Variants in KIAA1191 observed in about 807,000 individuals in gnomAD.
KIAA1191 encodes putative monooxygenase p33MONOX.
Under a neutral mutation model 31.1 loss-of-function variants are expected in KIAA1191, and 22 were observed. The observed-to-expected ratio is 0.71, with a 90% CI of 0.51 to 1.01. The LOEUF (loss-of-function observed/expected upper bound fraction) is 1.01. Among genes scored for constraint, KIAA1191 ranks in the 50% least tolerant of loss-of-function variants. The probability of loss-of-function intolerance (pLI) is 0.00; values close to 1 mark genes in which losing one functional copy is unlikely to be tolerated. For missense variants in KIAA1191, 319 were observed against 388.0 expected, an observed-to-expected ratio of 0.82 and a Z score of 1.49; for synonymous variants, 130 against 143.9, an observed-to-expected ratio of 0.90 and a Z score of 0.69.
At position 176,350,719 on chromosome 5, in the gene KIAA1191, AT is replaced by A; in HGVS notation, c.352del (p.Ile118PhefsTer10). 6.2e-7 allele frequency: 1 copy of A among 1,614,090 alleles called. No homozygotes were observed. The highest frequency in any genetic ancestry group is 8.5e-7 in the Non-Finnish European group (1 of 1,180,012). On this transcript the variant is annotated frameshift_variant, in exon 6 of 9. Transcript: ENST00000298569. LOFTEE classifies it high-confidence loss of function. The stretch of plus-strand genomic sequence containing the variant: ...CCCTGCCTGTCGCTCAAAATGCTGA[AT>A]GCTTTCCTGGGTCTGTTCTGGGAAC... ...SLITKQTQES[I>X]QHFERQAGLR... is the part of the protein sequence containing the mutation.
At chr5:176,350,070 T>C (rs552452487) in intron 6 of KIAA1191, among the ~76,000 whole-genome samples, 16 of 152,232 alleles carry the variant, frequency 1.1e-4, no homozygotes, top group African/African-American at 3.6e-4. Flanking sequence ...ATTTACAAAA[T>C]ATGGAGAAGA....
rs1766540174 is a variant in KIAA1191 at position 176,346,750 on chromosome 5, C to CA, written c.*849dup. ...AGGTCTGCCAAAAAGCAGGGGGACT[C>CA]AAGGTTCAGCCTAGAAAGAGGGGTC... is the stretch of plus-strand genomic sequence containing the variant. On this transcript the variant is annotated 3_prime_UTR_variant, in exon 9 of 9. Coordinates refer to ENST00000298569, the MANE Select transcript of KIAA1191 (RefSeq NM_020444.5). 1 of 152,230 alleles carries CA rather than the reference C, an allele frequency of 6.6e-6. No individual in the cohort carries two copies. The highest frequency in any genetic ancestry group is 6.5e-5 in the Admixed American group (1 of 15,280). The allele number at this position is 152,230 out of a possible 1,614,324, so 9.4% of individuals were successfully genotyped here. A position where few individuals can be genotyped will look rare whatever the true frequency, so the allele number is the denominator to read the frequency against.
chr5:176,347,943 T>C lies in KIAA1191; in HGVS notation c.687A>G (p.Arg229=), dbSNP rs758104007. 5.6e-6 allele frequency: 9 copies of C among 1,613,984 alleles called. No individual in the cohort carries two copies. The highest frequency in any genetic ancestry group is 7.6e-6 in the Non-Finnish European group (9 of 1,180,042). The change falls in exon 8 of 9, where the codon AGA becomes AGG. Residue 229 remains arginine, a synonymous_variant. Coordinates refer to ENST00000298569, the MANE Select transcript of KIAA1191 (RefSeq NM_020444.5). ...TACCAGAATCGTACTTCTGAAGGGATCTCGGTCCAAAGAGGCTCCACTTAT... is the reference window on the plus strand; with the variant it reads ...TACCAGAATCGTACTTCTGAAGGGACCTCGGTCCAAAGAGGCTCCACTTAT... The part of the protein sequence containing the change: ...LSDKWSLFGP[R]SLQKYDSGSF...
chr5:176,351,292 G>C (rs1454436363), intron 5 of KIAA1191, among the ~76,000 whole-genome samples: 1 of 150,546 alleles, frequency 6.6e-6, no homozygotes, highest in African/African-American at 2.5e-5. Flanking sequence ...AGTGAGTCGA[G>C]ATCGTGCCAC....
chr5:176,351,315 T>C (rs1766982895), intron 5 of KIAA1191, among the ~76,000 whole-genome samples: 1 of 149,422 alleles, frequency 6.7e-6, no homozygotes, highest in Non-Finnish European at 1.5e-5. Flanking sequence ...CACTCCAGCC[T>C]GGGCGACAGA....
Position 176,346,297 on chromosome 5 carries a change from C to T in KIAA1191, c.*1303G>A, listed in dbSNP as rs11843. On this transcript the variant is annotated 3_prime_UTR_variant, in exon 9 of 9. Coordinates refer to ENST00000298569, the MANE Select transcript of KIAA1191 (RefSeq NM_020444.5). ...AAAGGTGGCTTCTGTATTTCCCTCC[C>T]TCAGTAAGGTTATGTGTTGCATAAA... 3.3e-4 allele frequency: 50 copies of T among 152,198 alleles called. 1 individual carries two copies. Among genetic ancestry groups the T allele is most frequent in the African/African-American group, 1.2e-3 (50 of 41,452 alleles). 9.4% of individuals were successfully genotyped at this position (152,198 alleles called of 1,614,324 possible).
chr5:176,348,441 G>C, intron 6 of KIAA1191, 85 bp from the exon 7 acceptor site: 1 of 957,052 alleles, frequency 1.0e-6, no homozygotes, highest in Non-Finnish European at 1.6e-6. Flanking sequence ...AATTTGGTTC[G>C]CATTCTAACT....
At chr5:176,357,807 A>G (rs1335628777) in intron 3 of KIAA1191, among the ~76,000 whole-genome samples, 1 of 152,190 alleles carries the variant, frequency 6.6e-6, no homozygotes, top group African/African-American at 2.4e-5. Context: ...AGACTTGGGG[A>G]GCAATTTCAA....
At position 176,355,718 on chromosome 5, in the gene KIAA1191, C is replaced by G; in HGVS notation, c.60G>C (p.Met20Ile). Residue 20 changes from methionine (M) to isoleucine (I), a missense_variant, in exon 4 of 9, where the codon ATG becomes ATC. Physicochemically the swap from Met to Ile is conservative, Grantham distance 10. Coordinates refer to ENST00000298569, the MANE Select transcript of KIAA1191 (RefSeq NM_020444.5). This position sits in a 1 kb window ranked among gnomAD's most constrained non-coding sequence, Gnocchi z 4.2. ...ALEASAPLGK[M>I]SLPIGIYRRA... is the part of the protein sequence containing the mutation. ...GGCGGTATATCCCGATGGGCAGGGACATCTTGCCTAGAGGCGCACTAGCCT... is the reference window on the plus strand; with the variant it reads ...GGCGGTATATCCCGATGGGCAGGGAGATCTTGCCTAGAGGCGCACTAGCCT... The G allele has an allele frequency of 1.9e-6, 3 of 1,613,998 alleles. No individual in the cohort carries two copies. Among genetic ancestry groups the G allele is most frequent in the Non-Finnish European group, 2.5e-6 (3 of 1,180,032 alleles).
chr5:176,356,129 T>C (rs1180009443), intron 3 of KIAA1191: 2 of 225,774 alleles, frequency 8.9e-6, no homozygotes, highest in African/African-American at 4.7e-5. Context: ...CATGTCCAGC[T>C]AATTTTCATG....
chr5:176,352,899 G>C (rs1767157325), intron 4 of KIAA1191, 151 bp from the exon 5 acceptor site: 2 of 754,402 alleles, frequency 2.7e-6, no homozygotes, highest in African/African-American at 3.5e-5. Flanking sequence ...TCTCCACCCA[G>C]CTAGATAGGT....
rs370175568 is a variant in KIAA1191, at chr5:176,355,754, G to A, written c.29-5C>T. ...GAGGCGCACTAGCCTCAAGAGCTAA[G>A]AACAGAGACACCTGTCAAGACAGGT... On this transcript the variant is annotated splice_polypyrimidine_tract_variant and splice_region_variant and intron_variant, in intron 3 of 8. Coordinates refer to ENST00000298569, the MANE Select transcript of KIAA1191 (RefSeq NM_020444.5). The surrounding 1 kb of genome is among the most constrained non-coding windows in gnomAD (Gnocchi z 4.2). 1.2e-4 allele frequency: 199 copies of A among 1,613,854 alleles called. No individual in the cohort carries two copies. Among genetic ancestry groups the A allele is most frequent in the Admixed American group, 5.0e-4 (30 of 60,014 alleles).
rs773683998 is a variant in KIAA1191, at chr5:176,348,061, C to T, written c.569G>A (p.Gly190Asp). Reference protein sequence around the residue: ...PHSSPKQRPRGWFTSGSSTAL... With the variant: ...PHSSPKQRPRDWFTSGSSTAL... Reference sequence around the variant, plus strand: ...TGTGGAAGAACCAGAAGTGAACCAGCCCCTGGGAAAGAAAGAACAAAACAT... The same window carrying T: ...TGTGGAAGAACCAGAAGTGAACCAGTCCCTGGGAAAGAAAGAACAAAACAT... Residue 190 changes from glycine (G) to aspartate (D), a missense_variant and splice_region_variant, in exon 8 of 9, where the codon GGC (glycine) becomes GAC (aspartate). Gly to Asp is a moderately conservative substitution (Grantham distance 94). Coordinates refer to ENST00000298569, the MANE Select transcript of KIAA1191 (RefSeq NM_020444.5). 3 of 1,613,290 alleles carry T rather than the reference C, an allele frequency of 1.9e-6. No homozygotes were observed. The highest frequency in any genetic ancestry group is 2.5e-6 in the Non-Finnish European group (3 of 1,179,738).
chr5:176,354,887 C>T (rs1047655429), intron 4 of KIAA1191, among the ~76,000 whole-genome samples: 3 of 151,868 alleles, frequency 2.0e-5, no homozygotes, highest in East Asian at 1.9e-4. Context: ...ATCAGGAGGA[C>T]GGAGATGTCA....
At position 176,359,904 on chromosome 5, in the gene KIAA1191, G is replaced by A. The variant is rs925042164; in HGVS notation, c.-153C>T. ...AAAGTAGCAAAGCTTCCCAGGAAGA[G>A]TCCATCCAGAGGTTCTAATAACAAC... On this transcript the variant is annotated 5_prime_UTR_variant, in exon 2 of 9. Coordinates refer to ENST00000298569, the MANE Select transcript of KIAA1191 (RefSeq NM_020444.5). 2 of 189,714 alleles carry A rather than the reference G, an allele frequency of 1.1e-5. No homozygotes were observed. The highest frequency in any genetic ancestry group is 4.6e-5 in the African/African-American group (2 of 43,518). 11.8% of individuals were successfully genotyped at this position (189,714 alleles called of 1,614,324 possible). A position where few individuals can be genotyped will look rare whatever the true frequency, so the allele number is the denominator to read the frequency against.
intron 5 of KIAA1191, among the ~76,000 whole-genome samples, chr5:176,351,197 T>C (rs2003207): frequency 0.75 from 112,885 of 151,382 alleles, 42,195 homozygotes; most frequent in Middle Eastern, 0.85. Flanking sequence ...AAAAATTAGC[T>C]GGGTGTGGTG....
At position 176,360,327 on chromosome 5, in the gene KIAA1191, T is replaced by G. The variant is rs542622277; in HGVS notation, c.-167-409A>C. 1.7e-4 allele frequency among the ~76,000 whole-genome samples: 26 copies of G among 151,982 alleles called. No individual in the cohort carries two copies. In the South Asian group the frequency reaches 4.2e-3, roughly 24 times the overall value. On this transcript the variant is annotated intron_variant, in intron 1 of 8. Transcript: ENST00000298569. Reference sequence around the variant, plus strand: ...GTCTGCCACCACGCCTGGCTAATTTTTTGTATTTTTAGTAGAGATGGGGTT... The same window carrying G: ...GTCTGCCACCACGCCTGGCTAATTTGTTGTATTTTTAGTAGAGATGGGGTT...
Position 176,347,665 on chromosome 5 carries a change from G to A in KIAA1191, c.853C>T (p.Gln285Ter). 6.3e-7 allele frequency: 1 copy of A among 1,577,360 alleles called. No homozygotes were observed. The highest frequency in any genetic ancestry group is 8.6e-7 in the Non-Finnish European group (1 of 1,165,138). ...MDIPVMEGKK[Q>*]PPRAHNLKPR... ...TTGAGGTTATGGGCCCGTGGTGGCT[G>A]TTTCTTTCCTTCCATCACTGGGATG... is the stretch of plus-strand genomic sequence containing the variant. Residue 285 changes from glutamine (Q) to a stop codon, truncating the protein, a stop_gained, in exon 9 of 9, where the codon CAG becomes TAG. Transcript: ENST00000298569. LOFTEE classifies it high-confidence loss of function.
chr5:176,352,127 T>C (rs1395844719), intron 5 of KIAA1191, among the ~76,000 whole-genome samples: 2 of 151,260 alleles, frequency 1.3e-5, no homozygotes, highest in African/African-American at 2.4e-5. Flanking sequence ...CCTGGTCCTC[T>C]TCCTGGTAGA....
Sources: gnomAD v4.1 joint callset for allele counts (sites outside exome capture counted in the v4.1 genomes callset) on GRCh38, gnomAD v4.1.1 for gene constraint, Gnocchi (gnomAD v3.1) non-coding constraint, MANE v1.5 for transcripts, NCBI Gene and HGNC (gene_info 2026-07-23, HGNC 2026-07-21) for gene names.